Variants in CSMD2 observed in about 807,000 individuals in gnomAD.
CSMD2 encodes the protein CUB and sushi domain-containing protein 2.
In CSMD2, 130 loss-of-function variants were observed where a neutral mutation model predicts 398.5. The observed-to-expected ratio is 0.33, with a 90% confidence interval of 0.28 to 0.38. CSMD2 has a LOEUF of 0.38. Among genes scored for constraint, CSMD2 ranks in the 10% least tolerant of loss-of-function variants. The pLI is 1.00. For missense variants in CSMD2, 3,829 were observed against 4,764.9 expected, an observed-to-expected ratio of 0.80 and a Z score of 5.78; for synonymous variants, 1,828 against 1,908.5, an observed-to-expected ratio of 0.96 and a Z score of 1.10.
At chr1:33,802,421 T>C (rs1655710627) in intron 10 of CSMD2, among the ~76,000 whole-genome samples, 2 of 152,212 alleles carry the variant, frequency 1.3e-5, no homozygotes, top group Admixed American at 1.3e-4. Context: ...AGATGCTCAG[T>C]TAATGCTGGT....
intron 5 of CSMD2, among the ~76,000 whole-genome samples, chr1:33,857,165 A>G (rs1639158257): frequency 6.6e-6 from 1 of 152,032 alleles, no homozygotes; most frequent in African/African-American, 2.4e-5. Context: ...TTCCCCATCT[A>G]TATAGTAAGG....
At chr1:33,946,438 A>G (rs1644838962) in intron 3 of CSMD2, among the ~76,000 whole-genome samples, 1 of 152,188 alleles carries the variant, frequency 6.6e-6, no homozygotes, top group African/African-American at 2.4e-5. Flanking sequence ...TGGAACATGC[A>G]AACAACTGTT....
chr1:34,101,469 G>A (rs1659934159), intron 1 of CSMD2, among the ~76,000 whole-genome samples: 1 of 152,094 alleles, frequency 6.6e-6, no homozygotes, highest in Non-Finnish European at 1.5e-5. Flanking sequence ...TCCTTTCTAG[G>A]AAATGTGCAC....
At chr1:33,590,532 G>A (rs1036290744) in intron 44 of CSMD2, among the ~76,000 whole-genome samples, 1 of 149,514 alleles carries the variant, frequency 6.7e-6, no homozygotes, top group African/African-American at 2.5e-5. Context: ...CTAGGCATAA[G>A]CATTGTGAAG....
At chr1:33,545,046 C>A (rs983611082) in intron 57 of CSMD2, among the ~76,000 whole-genome samples, 1 of 152,072 alleles carries the variant, frequency 6.6e-6, no homozygotes, top group Non-Finnish European at 1.5e-5. Flanking sequence ...TAATGATCCC[C>A]CCACCTTAAG....
chr1:33,903,011 G>A (rs1423467230), intron 5 of CSMD2, among the ~76,000 whole-genome samples: 1 of 152,194 alleles, frequency 6.6e-6, no homozygotes, highest in Non-Finnish European at 1.5e-5. Context: ...GGGCACTGCA[G>A]CTCAGAGGAA....
At chr1:33,574,943 G>A (rs1404757430) in intron 49 of CSMD2, among the ~76,000 whole-genome samples, 1 of 152,252 alleles carries the variant, frequency 6.6e-6, no homozygotes, top group Admixed American at 6.5e-5. Flanking sequence ...AGTCAATCCA[G>A]GGAGGGCAGT....
intron 55 of CSMD2, among the ~76,000 whole-genome samples, chr1:33,554,797 T>C (rs1224487350): frequency 2.0e-5 from 3 of 152,060 alleles, no homozygotes; most frequent in Non-Finnish European, 4.4e-5. Flanking sequence ...AAAAAGAGAT[T>C]CCTTTCAAAA....
intron 25 of CSMD2, among the ~76,000 whole-genome samples, chr1:33,680,918 C>CT (rs66489770): frequency 0.48 from 36,086 of 74,486 alleles, 12,122 homozygotes; most frequent in East Asian, 0.61. Context: ...CTGTTTTATG[C>CT]TTTTTTTTTT....
At position 34,089,091 on chromosome 1, in the gene CSMD2, G is replaced by A; in HGVS notation, c.290C>T (p.Thr97Ile). The A allele has an allele frequency of 6.2e-7, 1 of 1,614,216 alleles. No individual in the cohort carries two copies. Residue 97 changes from threonine (T) to isoleucine (I), a missense_variant, in exon 2 of 71, where the codon ACC (threonine) becomes ATC (isoleucine). Physicochemically the swap from Thr to Ile is moderately conservative, Grantham distance 89 (BLOSUM62 -1). Transcript: ENST00000373381. ...CTGGATTCTGTGCTGCTCTTCCGCGGTGATGGTCCACGTGCAGTTGGCGTA... is the reference window on the plus strand; with the variant it reads ...CTGGATTCTGTGCTGCTCTTCCGCGATGATGGTCCACGTGCAGTTGGCGTA... ...PNYANCTWTI[T>I]AEEQHRIQLV...
At chr1:33,628,811 T>C (rs1405410092) in intron 32 of CSMD2, among the ~76,000 whole-genome samples, 1 of 151,894 alleles carries the variant, frequency 6.6e-6, no homozygotes, top group Non-Finnish European at 1.5e-5. Context: ...GCTTTTTAAT[T>C]AACAACAACA....
At chr1:33,563,533 T>C (rs138913436) in intron 53 of CSMD2, among the ~76,000 whole-genome samples, 1 of 152,242 alleles carries the variant, frequency 6.6e-6, no homozygotes, top group Non-Finnish European at 1.5e-5. Context: ...CTAACAATTG[T>C]TGGGGCTCGC....
chr1:33,557,927 A>G lies in CSMD2; in HGVS notation c.8555-5T>C. 3.3e-6 allele frequency: 5 copies of G among 1,530,632 alleles called. No individual in the cohort carries two copies. The highest frequency in any genetic ancestry group is 4.4e-6 in the Non-Finnish European group (5 of 1,142,236). The allele number at this position is 1,530,632 out of a possible 1,614,324, so 94.8% of individuals were successfully genotyped here. The stretch of plus-strand genomic sequence containing the variant: ...CAGGATCTGTACAGTTGATGACTGC[A>G]ATTGAACAGAAGTCCAAACAGGCAT... On this transcript the variant is annotated splice_region_variant and splice_polypyrimidine_tract_variant and intron_variant, in intron 54 of 70. Coordinates refer to ENST00000373381, the MANE Select transcript of CSMD2 (RefSeq NM_001281956.2).
At chr1:33,606,450 G>C (rs1172941857) in intron 41 of CSMD2, among the ~76,000 whole-genome samples, 1 of 152,226 alleles carries the variant, frequency 6.6e-6, no homozygotes, top group African/African-American at 2.4e-5. Flanking sequence ...ACCTCACAGG[G>C]AAGTCTCAGG....
intron 3 of CSMD2, among the ~76,000 whole-genome samples, chr1:33,943,662 A>G (rs1644748542): frequency 1.3e-5 from 2 of 152,122 alleles, no homozygotes; most frequent in African/African-American, 4.8e-5. Context: ...ACTTTGTTGT[A>G]CATTGTAATT....
chr1:33,725,491 C>T lies in CSMD2; in HGVS notation c.2553G>A (p.Gly851=). 3 of 1,614,222 alleles carry T rather than the reference C, an allele frequency of 1.9e-6. No individual in the cohort carries two copies. The highest frequency in any genetic ancestry group is 1.3e-5 in the African/African-American group (1 of 75,054). ...VNYDTLEVRD[G]RTYSAPLIGV... ...CGATCAAGGGCGCTGAGTAAGTCCG[C>T]CCATCGCGTACTTCCAGGGTGTCAT... Residue 851 remains glycine (G), a synonymous_variant, in exon 17 of 71, where the codon GGG becomes GGA. Coordinates refer to ENST00000373381, the MANE Select transcript of CSMD2 (RefSeq NM_001281956.2).
intron 1 of CSMD2, among the ~76,000 whole-genome samples, chr1:34,093,100 C>T (rs1235858744): frequency 6.6e-6 from 1 of 152,130 alleles, no homozygotes; most frequent in Non-Finnish European, 1.5e-5. Flanking sequence ...GTCCCTGACC[C>T]CTGACCCCCG....
At chr1:33,772,485 G>A in intron 13 of CSMD2, 84 bp downstream of exon 13, 1 of 1,340,542 alleles carries the variant, frequency 7.5e-7, no homozygotes, top group Non-Finnish European at 1.0e-6. Flanking sequence ...AAGGTTCCCA[G>A]GGACGGGGCC....
chr1:33,878,055 G>A (rs1222469768), intron 5 of CSMD2: 7 of 152,140 alleles, frequency 4.6e-5, no homozygotes, highest in African/African-American at 1.7e-4. Flanking sequence ...TCAGGGGCTG[G>A]AGTGACCATT....
Sources: allele counts gnomAD v4.1 joint callset (sites outside exome capture counted in the v4.1 genomes callset), GRCh38; gene constraint gnomAD v4.1.1; transcripts MANE v1.5; gene names NCBI Gene and HGNC (gene_info 2026-07-23, HGNC 2026-07-21).